CDC40: variants seen among roughly 807,000 people sequenced by gnomAD.
CDC40 encodes pre-mRNA-processing factor 17.
Under a neutral mutation model 80.6 loss-of-function variants are expected in CDC40, and 27 were observed. The observed-to-expected ratio is 0.33, with a 90% CI of 0.25 to 0.46. The LOEUF is 0.46. Ranked by LOEUF, CDC40 falls within the 20% of genes least tolerant of loss-of-function variation. The pLI, the probability that CDC40 is intolerant of heterozygous loss-of-function variation, is 1.00. For missense variants in CDC40, 486 were observed against 694.1 expected (o/e 0.70, Z 3.37); for synonymous variants, 221 against 232.6 (o/e 0.95, Z 0.45).
intron 3 of CDC40, among the ~76,000 whole-genome samples, chr6:110,204,082 A>C (rs1439738035): frequency 6.6e-6 from 1 of 152,024 alleles, no homozygotes; most frequent in Non-Finnish European, 1.5e-5. Flanking sequence ...GCGCGATCTC[A>C]GCTCACTGCA....
rs905336143 is a variant in CDC40, at chr6:110,207,560, G to T, written c.461G>T (p.Gly154Val). The change falls in exon 4 of 15, where the codon GGT becomes GTT. Residue 154 changes from glycine to valine, a missense_variant. This residue lies in a region of CDC40 where 381 missense variants were observed against 492.1 expected (regional missense o/e 0.77). Coordinates refer to ENST00000307731, the MANE Select transcript of CDC40 (RefSeq NM_015891.3). ...CATCAAGTGTCTGCTAAATATATTGGTTCTGTAGAAGAAGCTGAAAAAAAT... is the reference window on the plus strand; with the variant it reads ...CATCAAGTGTCTGCTAAATATATTGTTTCTGTAGAAGAAGCTGAAAAAAAT... ...DNHQVSAKYI[G>V]SVEEAEKNQG... 2 of 1,597,618 alleles carry T rather than the reference G, an allele frequency of 1.3e-6. No individual in the cohort carries two copies. Among genetic ancestry groups the T allele is most frequent in the Non-Finnish European group, 8.6e-7 (1 of 1,165,754 alleles).
At chr6:110,229,123 T>C (rs1196518706) in intron 14 of CDC40, 147 bp downstream of exon 14, 2 of 771,848 alleles carry the variant, frequency 2.6e-6, no homozygotes, top group Admixed American at 7.4e-5. Flanking sequence ...ATGCTGGATA[T>C]AAAGGCAAGA....
chr6:110,210,552 G>GAAAAAAAAAAA (rs57785109), intron 5 of CDC40, among the ~76,000 whole-genome samples, 155 bp from the exon 6 acceptor site: 1 of 64,468 alleles, frequency 1.6e-5, no homozygotes, highest in African/African-American at 4.7e-5. Flanking sequence ...ACTCATCTCA[G>GAAAAAAAAAAA]AAAAAAAAAA....
chr6:110,222,786 G>T (rs1777795033), intron 12 of CDC40, among the ~76,000 whole-genome samples: 1 of 152,144 alleles, frequency 6.6e-6, no homozygotes, highest in African/African-American at 2.4e-5. Flanking sequence ...CATGCTTACT[G>T]TCTGTTCCCA....
At chr6:110,213,061 T>C in intron 7 of CDC40, 25 bp from the exon 8 acceptor site, 1 of 1,471,182 alleles carries the variant, frequency 6.8e-7, no homozygotes, top group Non-Finnish European at 9.5e-7. Flanking sequence ...TGCTTCTGGT[T>C]GATAACTGTA....
chr6:110,229,267 T>A (rs1276487228), intron 14 of CDC40, among the ~76,000 whole-genome samples: 1 of 152,174 alleles, frequency 6.6e-6, no homozygotes, highest in Non-Finnish European at 1.5e-5. Context: ...TTTCTCTGCT[T>A]TTCTAAGCAA....
intron 8 of CDC40, among the ~76,000 whole-genome samples, chr6:110,214,873 G>A (rs920916275): frequency 1.3e-5 from 2 of 152,142 alleles, no homozygotes; most frequent in African/African-American, 4.8e-5. Flanking sequence ...GTATCAAAAT[G>A]TTATATACAT....
chr6:110,193,988 G>A (rs557835121), intron 2 of CDC40, among the ~76,000 whole-genome samples: 15 of 152,276 alleles, frequency 9.9e-5, no homozygotes, highest in Non-Finnish European at 1.8e-4. Flanking sequence ...CCCCTGAAGT[G>A]TCATACTGAT....
At chr6:110,198,202 G>C (rs1777443676) in intron 2 of CDC40, among the ~76,000 whole-genome samples, 1 of 147,928 alleles carries the variant, frequency 6.8e-6, no homozygotes, top group South Asian at 2.1e-4. Context: ...TTTTTGAGAG[G>C]AGTCTCGCTC....
chr6:110,227,922 A>C (rs1777887247), intron 13 of CDC40, among the ~76,000 whole-genome samples: 1 of 152,226 alleles, frequency 6.6e-6, no homozygotes, highest in South Asian at 2.1e-4. Flanking sequence ...GACTATATAT[A>C]GGATGCAAGT....
chr6:110,227,459 C>T (rs1194253393), intron 13 of CDC40, among the ~76,000 whole-genome samples: 1 of 152,184 alleles, frequency 6.6e-6, no homozygotes, highest in Non-Finnish European at 1.5e-5. Flanking sequence ...AGATTATATA[C>T]TTCGTCACTG....
chr6:110,226,087 A>G, intron 12 of CDC40, 80 bp from the exon 13 acceptor site: 1 of 746,576 alleles, frequency 1.3e-6, no homozygotes, highest in South Asian at 1.6e-5. Flanking sequence ...TTATTTGCAT[A>G]TTATTCCTTT....
At chr6:110,186,809 T>G (rs1156400370) in intron 1 of CDC40, among the ~76,000 whole-genome samples, 1 of 152,174 alleles carries the variant, frequency 6.6e-6, no homozygotes, top group African/African-American at 2.4e-5. Flanking sequence ...TTTGTTGGAT[T>G]TCTTTAATTG....
rs952638434 is a variant in CDC40, at chr6:110,219,633, A to G, written c.1207-103A>G. The stretch of plus-strand genomic sequence containing the variant: ...TAGCAGAAAAATTTACATTTATAAA[A>G]ATATCGTGTTGAAGATCTTCTCCTT... On this transcript the variant is annotated intron_variant, in intron 11 of 14. Transcript: ENST00000307731. 4.2e-5 allele frequency: 57 copies of G among 1,370,904 alleles called. No homozygotes were observed. The African/African-American group carries it at 7.9e-4, about 19-fold the overall frequency. 84.9% of individuals were successfully genotyped at this position (1,370,904 alleles called of 1,614,324 possible).
chr6:110,221,731 A>G (rs1359651205), intron 12 of CDC40, among the ~76,000 whole-genome samples: 1 of 152,236 alleles, frequency 6.6e-6, no homozygotes, highest in Non-Finnish European at 1.5e-5. Context: ...ATAGAGTGGT[A>G]TAAAAGAAGT....
chr6:110,211,283 A>G (rs1257291465), intron 6 of CDC40: 2 of 152,224 alleles, frequency 1.3e-5, no homozygotes, highest in Non-Finnish European at 2.9e-5. Flanking sequence ...GACTTGTAGA[A>G]GGAAATGCAT....
chr6:110,195,243 T>C (rs913090555), intron 2 of CDC40, among the ~76,000 whole-genome samples: 19 of 152,228 alleles, frequency 1.2e-4, no homozygotes. Flanking sequence ...GTATCCATTG[T>C]TAGAAACAAG....
intron 9 of CDC40, among the ~76,000 whole-genome samples, chr6:110,216,853 TAATC>T (rs1420011410): frequency 1.3e-5 from 2 of 152,216 alleles, no homozygotes; most frequent in Admixed American, 6.5e-5. Flanking sequence ...TAAAGTATAA[TAATC>T]AGCACCTTAA....
intron 12 of CDC40, among the ~76,000 whole-genome samples, chr6:110,220,494 G>A (rs1777756884): frequency 7.0e-6 from 1 of 142,782 alleles, no homozygotes; most frequent in African/African-American, 2.7e-5. Flanking sequence ...GTGCCACCCA[G>A]GCTGCAGTGG....
Sources: gnomAD v4.1 joint callset for allele counts (sites outside exome capture counted in the v4.1 genomes callset) on GRCh38, gnomAD v4.1.1 for gene constraint, gnomAD v4.1.1 regional missense constraint, MANE v1.5 for transcripts, NCBI Gene and HGNC (gene_info 2026-07-23, HGNC 2026-07-21) for gene names.